The following TMC1 variants were observed in gnomAD, a reference collection of about 807,000 sequenced individuals.
TMC1 encodes transmembrane channel-like protein 1.
Under a neutral mutation model 105.8 loss-of-function variants are expected in TMC1, and 84 were observed. The observed-to-expected ratio is 0.79, with a 90% CI of 0.67 to 0.95. The LOEUF (loss-of-function observed/expected upper bound fraction) is 0.95. Ranked by LOEUF, TMC1 falls within the 40% of genes least tolerant of loss-of-function variation. The probability of loss-of-function intolerance (pLI) is 0.00; values close to 1 mark genes in which losing one functional copy is unlikely to be tolerated. For missense variants in TMC1, 817 were observed against 914.1 expected, an observed-to-expected ratio of 0.89 and a Z score of 1.37; for synonymous variants, 315 against 311.5, an observed-to-expected ratio of 1.01 and a Z score of -0.12.
intron 3 of TMC1, among the ~76,000 whole-genome samples, chr9:72,626,682 A>T (rs991624518): frequency 6.6e-6 from 1 of 152,170 alleles, no homozygotes; most frequent in African/African-American, 2.4e-5. Context: ...GGAGTAAGAC[A>T]AGATTGATTA....
intron 1 of TMC1, among the ~76,000 whole-genome samples, chr9:72,528,247 C>T (rs1394292746): frequency 1.3e-5 from 2 of 152,136 alleles, no homozygotes; most frequent in Non-Finnish European, 2.9e-5. Context: ...CACCAGACAC[C>T]AATCATCTGG....
intron 19 of TMC1, chr9:72,818,829 C>T (rs41287403): frequency 1.2e-4 from 18 of 151,950 alleles, no homozygotes; most frequent in Non-Finnish European, 2.2e-4. Flanking sequence ...TATTATTATG[C>T]CAGGACTTAT....
chr9:72,611,318 A>G (rs1177852479), intron 2 of TMC1, among the ~76,000 whole-genome samples: 1 of 152,236 alleles, frequency 6.6e-6, no homozygotes, highest in Non-Finnish European at 1.5e-5. Context: ...ACTGCACTAT[A>G]GAAGCCAAAG....
intron 17 of TMC1, among the ~76,000 whole-genome samples, chr9:72,802,382 T>G (rs937972149): frequency 1.3e-5 from 2 of 152,222 alleles, no homozygotes; most frequent in African/African-American, 2.4e-5. Context: ...TCATTCATTT[T>G]TTATTTATGA....
At chr9:72,534,763 C>T (rs575582942) in intron 1 of TMC1, among the ~76,000 whole-genome samples, 5 of 152,180 alleles carry the variant, frequency 3.3e-5, no homozygotes, top group Non-Finnish European at 5.9e-5. Context: ...GATATTTTAA[C>T]GATGCATTTA....
chr9:72,816,291 T>C, intron 19 of TMC1, 81 bp downstream of exon 19: 1 of 1,333,884 alleles, frequency 7.5e-7, no homozygotes, highest in Non-Finnish European at 1.1e-6. Flanking sequence ...ATCCTGGTGT[T>C]AGAGGAGAAT....
intron 3 of TMC1, among the ~76,000 whole-genome samples, chr9:72,620,708 G>A (rs1380452570): frequency 2.6e-5 from 4 of 152,196 alleles, no homozygotes; most frequent in Non-Finnish European, 5.9e-5. Context: ...TCAAGGATCT[G>A]AAGATCTGAC....
At chr9:72,765,939 T>C (rs1827825955) in intron 12 of TMC1, among the ~76,000 whole-genome samples, 1 of 152,216 alleles carries the variant, frequency 6.6e-6, no homozygotes. Context: ...AAAAATGCAG[T>C]GTAGCATAAT....
At chr9:72,818,830 C>G (rs1828828897) in intron 19 of TMC1, 1 of 151,970 alleles carries the variant, frequency 6.6e-6, no homozygotes, top group Non-Finnish European at 1.5e-5. Context: ...ATTATTATGC[C>G]AGGACTTATT....
At chr9:72,701,309 C>G (rs1347424385) in intron 8 of TMC1, among the ~76,000 whole-genome samples, 1 of 152,180 alleles carries the variant, frequency 6.6e-6, no homozygotes, top group African/African-American at 2.4e-5. Flanking sequence ...GACGCGAACG[C>G]AGTCAGAGCA....
At chr9:72,806,467 G>A (rs1231364130) in intron 18 of TMC1, among the ~76,000 whole-genome samples, 4 of 151,602 alleles carry the variant, frequency 2.6e-5, no homozygotes, top group Non-Finnish European at 5.9e-5. Flanking sequence ...TCCCAGACTG[G>A]GTGGCTGCCG....
At position 72,522,959 on chromosome 9, in the gene TMC1, C is replaced by T. The variant is rs188573310; in HGVS notation, c.-428+1046C>T. 1.7e-3 allele frequency among the ~76,000 whole-genome samples: 260 copies of T among 152,290 alleles called. 1 individual carries two copies. Among genetic ancestry groups the T allele is most frequent in the African/African-American group, 6.1e-3 (252 of 41,554 alleles). Reference sequence around the variant, plus strand: ...TCCTTGGCTTCTACTCAGTAGATGACAGTATCAACCCCCTTCCCCAGAAGT... The same window carrying T: ...TCCTTGGCTTCTACTCAGTAGATGATAGTATCAACCCCCTTCCCCAGAAGT... On this transcript the variant is annotated intron_variant, in intron 1 of 23. Coordinates refer to ENST00000297784, the MANE Select transcript of TMC1 (RefSeq NM_138691.3).
intron 8 of TMC1, among the ~76,000 whole-genome samples, chr9:72,719,772 A>G (rs1826988041): frequency 6.6e-6 from 1 of 152,214 alleles, no homozygotes; most frequent in African/African-American, 2.4e-5. Context: ...ACTCAACCAA[A>G]GCACAGGCCT....
chr9:72,610,434 T>C (rs983944975), intron 2 of TMC1, among the ~76,000 whole-genome samples: 2 of 152,056 alleles, frequency 1.3e-5, no homozygotes, highest in African/African-American at 4.8e-5. Flanking sequence ...AGCGAGCCAA[T>C]GATGTAGTTC....
intron 5 of TMC1, among the ~76,000 whole-genome samples, chr9:72,679,466 A>G (rs1201881269): frequency 6.6e-6 from 1 of 152,064 alleles, no homozygotes; most frequent in Admixed American, 6.6e-5. Context: ...GCAACATATA[A>G]TTGTCCTACT....
intron 5 of TMC1, among the ~76,000 whole-genome samples, chr9:72,687,214 G>T: frequency 6.6e-6 from 1 of 152,116 alleles, no homozygotes; most frequent in Non-Finnish European, 1.5e-5. Context: ...CTTTGGTTGT[G>T]CATATCGCAA....
At chr9:72,598,282 A>G (rs906442271) in intron 2 of TMC1, among the ~76,000 whole-genome samples, 4 of 152,060 alleles carry the variant, frequency 2.6e-5, no homozygotes, top group Non-Finnish European at 5.9e-5. Flanking sequence ...CCGACAACCC[A>G]TCGACTTGGG....
intron 5 of TMC1, among the ~76,000 whole-genome samples, chr9:72,650,477 GA>G (rs1366592858): frequency 6.6e-6 from 1 of 151,794 alleles, no homozygotes; most frequent in Non-Finnish European, 1.5e-5. Context: ...AACAAGCTAT[GA>G]AGGGACAGAA....
chr9:72,701,234 A>G (rs1487247819), intron 8 of TMC1, among the ~76,000 whole-genome samples: 1 of 152,224 alleles, frequency 6.6e-6, no homozygotes, highest in Non-Finnish European at 1.5e-5. Context: ...ATTAAAGGTT[A>G]TGCTAATAGC....
Sources: gnomAD v4.1 joint callset for allele counts (sites outside exome capture counted in the v4.1 genomes callset) on GRCh38, gnomAD v4.1.1 for gene constraint, MANE v1.5 for transcripts, NCBI Gene and HGNC (gene_info 2026-07-23, HGNC 2026-07-21) for gene names.